Variants in PDZD2 observed in about 807,000 individuals in gnomAD.
The protein encoded by PDZD2 is PDZ domain containing 2.
In PDZD2, 90 loss-of-function variants were observed where a neutral mutation model predicts 220.7. The ratio of observed to expected loss-of-function variants is 0.41; its 90% CI spans 0.34 to 0.49. The LOEUF is 0.49. PDZD2 is among the 20% of genes least tolerant of loss of function. PDZD2 has a pLI of 0.28. For missense variants in PDZD2, 3,174 were observed against 3,608.5 expected (o/e 0.88, Z 3.08); for synonymous variants, 1,375 against 1,450.5 (o/e 0.95, Z 1.18).
intron 2 of PDZD2, among the ~76,000 whole-genome samples, chr5:31,974,211 C>T (rs1024682136): frequency 1.4e-4 from 22 of 152,156 alleles, no homozygotes; most frequent in African/African-American, 5.1e-4. Flanking sequence ...TAACTCCCGA[C>T]CTCAGGTGAT....
At chr5:31,989,466 A>G (rs1751038708) in intron 3 of PDZD2, among the ~76,000 whole-genome samples, 1 of 115,912 alleles carries the variant, frequency 8.6e-6, no homozygotes, top group African/African-American at 4.1e-5. Context: ...TCCGTCACCC[A>G]GGCTGGAGTG....
chr5:31,974,260 C>T (rs913907629), intron 2 of PDZD2, among the ~76,000 whole-genome samples: 2 of 152,152 alleles, frequency 1.3e-5, no homozygotes, highest in Non-Finnish European at 2.9e-5. Context: ...GGATTACAGG[C>T]TTGAGCCACC....
chr5:31,840,306 A>T (rs974615484), intron 2 of PDZD2, among the ~76,000 whole-genome samples: 6 of 150,294 alleles, frequency 4.0e-5, no homozygotes, highest in Non-Finnish European at 7.4e-5. Flanking sequence ...ACTGGGGGGG[A>T]AGAAACCTGA....
At chr5:31,844,302 A>G (rs1382732779) in intron 2 of PDZD2, among the ~76,000 whole-genome samples, 1 of 152,188 alleles carries the variant, frequency 6.6e-6, no homozygotes, top group Non-Finnish European at 1.5e-5. Flanking sequence ...GGAGTGAGAG[A>G]TGTTAGGCAA....
At chr5:32,022,171 C>A (rs1244007634) in intron 6 of PDZD2, among the ~76,000 whole-genome samples, 1 of 143,002 alleles carries the variant, frequency 7.0e-6, no homozygotes, top group African/African-American at 2.6e-5. Context: ...CTTCTTTTTT[C>A]GTTTTGTTTT....
intron 1 of PDZD2, among the ~76,000 whole-genome samples, chr5:31,656,661 A>G (rs29745): frequency 0.063 from 9,631 of 152,300 alleles, 623 homozygotes; most frequent in East Asian, 0.28. Context: ...TTTTAAAGCA[A>G]CTGAATACTT....
intron 1 of PDZD2, among the ~76,000 whole-genome samples, chr5:31,765,757 C>T (rs1751961935): frequency 6.6e-6 from 1 of 152,192 alleles, no homozygotes; most frequent in Non-Finnish European, 1.5e-5. Flanking sequence ...CACCACTTCC[C>T]TAGCTGGATG....
At chr5:31,819,558 G>A (rs894715450) in intron 2 of PDZD2, among the ~76,000 whole-genome samples, 2 of 150,344 alleles carry the variant, frequency 1.3e-5, no homozygotes, top group Non-Finnish European at 2.9e-5. Flanking sequence ...TCAGGAGGCT[G>A]AGACAGGAGA....
At chr5:31,958,263 T>A (rs887079980) in intron 2 of PDZD2, among the ~76,000 whole-genome samples, 18 of 151,924 alleles carry the variant, frequency 1.2e-4, no homozygotes, top group Non-Finnish European at 8.8e-5. Flanking sequence ...CTTTTTGTTT[T>A]TTTTTTTTGA....
chr5:32,036,461 G>A (rs538081356), intron 6 of PDZD2, among the ~76,000 whole-genome samples: 41 of 152,286 alleles, frequency 2.7e-4, no homozygotes, highest in African/African-American at 9.9e-4. Context: ...ACTCTGAAGT[G>A]CATGTGTCTC....
intron 1 of PDZD2, among the ~76,000 whole-genome samples, chr5:31,724,368 C>T (rs142304547): frequency 5.2e-4 from 79 of 151,990 alleles, no homozygotes; most frequent in African/African-American, 1.8e-3. Flanking sequence ...TTTGGGAGGC[C>T]GAGATGGGCG....
chr5:31,862,506 A>G lies in PDZD2; in HGVS notation c.476+62782A>G, dbSNP rs565555516. Among the ~76,000 whole-genome samples, 3 of 152,032 alleles carry G rather than the reference A, an allele frequency of 2.0e-5. No individual in the cohort carries two copies. The South Asian group carries it at 6.2e-4, about 32-fold the overall frequency. ...ACTGGACATTTAAGTAGTATGGGCT[A>G]GAATATCTGAGACATGCGGTCATTA... On this transcript the variant is annotated intron_variant, in intron 2 of 24. Coordinates refer to ENST00000438447, the MANE Select transcript of PDZD2 (RefSeq NM_178140.4).
At chr5:32,048,437 A>T (rs1738189956) in intron 7 of PDZD2, 102 bp from the exon 8 acceptor site, 1 of 954,956 alleles carries the variant, frequency 1.0e-6, no homozygotes, top group Non-Finnish European at 1.6e-6. Context: ...GCTTCTCAAA[A>T]CCATGAAGGT....
In PDZD2 at chr5:31,947,266, T is replaced by C. The variant is rs1379221515; in HGVS notation, c.477-35889T>C. Among the ~76,000 whole-genome samples, 7 of 152,216 alleles carry C rather than the reference T, an allele frequency of 4.6e-5. No homozygotes were observed. In the East Asian group the frequency reaches 1.3e-3, roughly 29 times the overall value. ...ACTATTCTAAGCCCCGGGGGCCTTGTTTCTGGGCTGTCGCGTTAGAATGGC... is the reference window on the plus strand; with the variant it reads ...ACTATTCTAAGCCCCGGGGGCCTTGCTTCTGGGCTGTCGCGTTAGAATGGC... On this transcript the variant is annotated intron_variant, in intron 2 of 24. Coordinates refer to ENST00000438447, the MANE Select transcript of PDZD2 (RefSeq NM_178140.4).
At chr5:31,724,794 A>G (rs1749027181) in intron 1 of PDZD2, among the ~76,000 whole-genome samples, 2 of 152,142 alleles carry the variant, frequency 1.3e-5, no homozygotes, top group African/African-American at 4.8e-5. Flanking sequence ...TCAGTGTTGT[A>G]CTGTGGCTAC....
Position 32,088,803 on chromosome 5 carries a change from C to G in PDZD2, c.5355C>G (p.Asp1785Glu), listed in dbSNP as rs1292524506. ...LHISESQDLD[D>E]LLQKPKMIAR... ...TCTCTGAAAGTCAAGACCTGGATGA[C>G]TTGCTACAGAAACCAAAAATGATCG... Residue 1785 changes from aspartate (D) to glutamate (E), a missense_variant, in exon 20 of 25, where the codon GAC becomes GAG. Physicochemically the swap from Asp to Glu is conservative, Grantham distance 45 (BLOSUM62 2). Transcript: ENST00000438447. This position sits in a 1 kb window ranked among gnomAD's most constrained non-coding sequence, Gnocchi z 4.6. 1 of 1,613,830 alleles carries G rather than the reference C, an allele frequency of 6.2e-7. No homozygotes were observed. The highest frequency in any genetic ancestry group is 1.7e-5 in the Admixed American group (1 of 59,976).
chr5:31,909,579 TG>T (rs1057499066), intron 2 of PDZD2, among the ~76,000 whole-genome samples: 1 of 152,164 alleles, frequency 6.6e-6, no homozygotes, highest in African/African-American at 2.4e-5. Flanking sequence ...AAAAGGTTTT[TG>T]GCCAACATTA....
intron 6 of PDZD2, among the ~76,000 whole-genome samples, chr5:32,011,169 T>G (rs1173914842): frequency 6.6e-6 from 1 of 151,834 alleles, no homozygotes; most frequent in South Asian, 2.1e-4. Flanking sequence ...GATGGAGAGA[T>G]TTCTGGTTCA....
intron 21 of PDZD2, 136 bp from the exon 22 acceptor site, chr5:32,097,143 T>C (rs1743796007): frequency 3.1e-6 from 2 of 647,224 alleles, no homozygotes; most frequent in African/African-American, 3.6e-5. Flanking sequence ...AAAGAACCTT[T>C]AGGGCCTGTG....
Sources: gnomAD v4.1 joint callset for allele counts (sites outside exome capture counted in the v4.1 genomes callset) on GRCh38, gnomAD v4.1.1 for gene constraint, Gnocchi (gnomAD v3.1) non-coding constraint, MANE v1.5 for transcripts, NCBI Gene and HGNC (gene_info 2026-07-23, HGNC 2026-07-21) for gene names.